HYOU1: variants seen among roughly 807,000 people sequenced by gnomAD.
The protein encoded by HYOU1 is hypoxia up-regulated 1.
HYOU1 carries 40 observed loss-of-function variants against 120.5 expected under a neutral mutation model. The observed-to-expected ratio is 0.33, with a 90% confidence interval of 0.26 to 0.43. The LOEUF (loss-of-function observed/expected upper bound fraction) is 0.43. Among genes scored for constraint, HYOU1 ranks in the 20% least tolerant of loss-of-function variants. The probability of loss-of-function intolerance (pLI) is 1.00; values close to 1 mark genes in which losing one functional copy is unlikely to be tolerated. For synonymous variants in HYOU1, 501 were observed against 479.4 expected (o/e 1.05, Z -0.59); for missense variants, 1,085 against 1,278.3 (o/e 0.85, Z 2.31).
chr11:119,048,786 T>G lies in HYOU1; in HGVS notation c.2093A>C (p.Glu698Ala). 6.2e-7 allele frequency: 1 copy of G among 1,614,070 alleles called. No homozygotes were observed. Among genetic ancestry groups the G allele is most frequent in the East Asian group, 2.2e-5 (1 of 44,884 alleles). The change falls in exon 18 of 26, where the codon GAG (glutamate) becomes GCG (alanine). Residue 698 changes from glutamate (E) to alanine (A), a missense_variant. This residue lies in a region of HYOU1 where 516 missense variants were observed against 517.1 expected (regional missense o/e 1.00). Coordinates refer to ENST00000617285, the MANE Select transcript of HYOU1 (RefSeq NM_006389.5). The surrounding 1 kb of genome is among the most constrained non-coding windows in gnomAD (Gnocchi z 4.7). ...CAGAACAACCAGCTCCACCCCGATC[T>G]CCTCTACCATTCGCCGCTTCCTGGC... The part of the protein sequence containing the change: ...KPARKRRMVE[E>A]IGVELVVLDL...
Position 119,056,439 on chromosome 11 carries a change from A to C in HYOU1, c.-7-272T>G, listed in dbSNP as rs913534884. The C allele has an allele frequency of 5.6e-6, 3 of 534,872 alleles. No individual in the cohort carries two copies. In the Admixed American group the frequency reaches 6.9e-5, roughly 12 times the overall value. 33.1% of individuals were successfully genotyped at this position (534,872 alleles called of 1,614,324 possible). On this transcript the variant is annotated intron_variant, in intron 1 of 25. Transcript: ENST00000617285. ...AGAAGCTAACAGGACAAGAGAAAGG[A>C]GACCCGAGCCTTTTGTCCACCACAC...
intron 22 of HYOU1, chr11:119,047,169 C>T (rs1216620247): frequency 1.4e-5 from 3 of 210,496 alleles, no homozygotes; most frequent in South Asian, 8.2e-5. Flanking sequence ...ATTCTCCTGC[C>T]TCAGCCTCCT....
chr11:119,055,979 G>A lies in HYOU1; in HGVS notation c.91+91C>T. 7.2e-7 allele frequency: 1 copy of A among 1,397,332 alleles called. No individual in the cohort carries two copies. The highest frequency in any genetic ancestry group is 1.0e-6 in the Non-Finnish European group (1 of 983,474). 86.6% of individuals were successfully genotyped at this position (1,397,332 alleles called of 1,614,324 possible). The stretch of plus-strand genomic sequence containing the variant: ...AAAAGGCCTGGACCTAACAACTCAA[G>A]AGACTTCTGGCCAACAGCCCCAAGC... On this transcript the variant is annotated intron_variant, in intron 2 of 25. Coordinates refer to ENST00000617285, the MANE Select transcript of HYOU1 (RefSeq NM_006389.5). This position sits in a 1 kb window ranked among gnomAD's most constrained non-coding sequence, Gnocchi z 4.0.
At chr11:119,050,956 G>A (rs1015253809) in intron 14 of HYOU1, 79 bp downstream of exon 14, 4 of 1,539,722 alleles carry the variant, frequency 2.6e-6, no homozygotes, top group African/African-American at 1.4e-5. Flanking sequence ...TTATCCTAAT[G>A]CCATGTGGAA....
rs2133549633 is a variant in HYOU1, at chr11:119,046,402, G to A, written c.2887+15C>T. ...TGCAACATCCACGTGCTCAACCATG[G>A]TTGCTCCAACTCACCAGTCTCTACT... is the stretch of plus-strand genomic sequence containing the variant. On this transcript the variant is annotated intron_variant, in intron 24 of 25. Transcript: ENST00000617285. The A allele has an allele frequency of 6.2e-7, 1 of 1,613,554 alleles. No individual in the cohort carries two copies. The highest frequency in any genetic ancestry group is 1.3e-5 in the African/African-American group (1 of 74,834).
In HYOU1 at chr11:119,052,313, C is replaced by A; in HGVS notation, c.1104G>T (p.Gln368His). The change falls in exon 10 of 26, where the codon CAG becomes CAT. Residue 368 changes from glutamine to histidine, a missense_variant. Transcript: ENST00000617285. The surrounding 1 kb of genome is among the most constrained non-coding windows in gnomAD (Gnocchi z 5.0). Reference sequence around the variant, plus strand: ...CGCTCACCAGACTCATTTCGGCACTCTGGAGGGCCTGCTGTACAGGCCCAG... The same window carrying A: ...CGCTCACCAGACTCATTTCGGCACTATGGAGGGCCTGCTGTACAGGCCCAG... ...RVPGPVQQAL[Q>H]SAEMSLDEIE... 6.2e-7 allele frequency: 1 copy of A among 1,614,242 alleles called. No homozygotes were observed.
At position 119,051,266 on chromosome 11, in the gene HYOU1, C is replaced by CA; in HGVS notation, c.1527-94dup. The CA allele has an allele frequency of 1.9e-6, 3 of 1,556,642 alleles. No homozygotes were observed. Among genetic ancestry groups the CA allele is most frequent in the Non-Finnish European group, 1.8e-6 (2 of 1,138,940 alleles). On this transcript the variant is annotated intron_variant, in intron 13 of 25. Coordinates refer to ENST00000617285, the MANE Select transcript of HYOU1 (RefSeq NM_006389.5). The surrounding 1 kb of genome is among the most constrained non-coding windows in gnomAD (Gnocchi z 4.2). ...GCCTCCTGGCACAAGGTGTCAGGGG[C>CA]ACTCCCCAAGGGCACACTCAAGAGG...
At position 119,046,626 on chromosome 11, in the gene HYOU1, G is replaced by T; in HGVS notation, c.2772C>A (p.Thr924=). ...PRPRPKDKNG[T]RAEPPLNASA... ...TGGCATTGAGGGGTGGCTCTGCCCG[G>T]GTCCCATTCTTGTCCTTAGGCCGGG... The change falls in exon 23 of 26, where the codon ACC becomes ACA. Residue 924 remains threonine, a synonymous_variant. Coordinates refer to ENST00000617285, the MANE Select transcript of HYOU1 (RefSeq NM_006389.5). The T allele has an allele frequency of 6.2e-7, 1 of 1,614,178 alleles. No homozygotes were observed. The highest frequency in any genetic ancestry group is 8.5e-7 in the Non-Finnish European group (1 of 1,180,030).
In HYOU1 at chr11:119,045,504, G is replaced by T; in HGVS notation, c.*89C>A. On this transcript the variant is annotated 3_prime_UTR_variant, in exon 26 of 26. Coordinates refer to ENST00000617285, the MANE Select transcript of HYOU1 (RefSeq NM_006389.5). Reference sequence around the variant, plus strand: ...AGAAAGGAACTCCAGCCGAGGGCAGGACCAACCCCTCCCCCAACCCTCGAT... The same window carrying T: ...AGAAAGGAACTCCAGCCGAGGGCAGTACCAACCCCTCCCCCAACCCTCGAT... 8.4e-7 allele frequency: 1 copy of T among 1,195,010 alleles called. No homozygotes were observed. Among genetic ancestry groups the T allele is most frequent in the South Asian group, 1.2e-5 (1 of 82,706 alleles). The allele number at this position is 1,195,010 out of a possible 1,614,324, so 74.0% of individuals were successfully genotyped here. A position where few individuals can be genotyped will look rare whatever the true frequency, so the allele number is the denominator to read the frequency against.
chr11:119,046,281 T>G (rs1300313698), intron 24 of HYOU1, 136 bp downstream of exon 24: 1 of 741,342 alleles, frequency 1.3e-6, no homozygotes, highest in East Asian at 2.7e-5. Context: ...TTTTTTTTTT[T>G]TTTTTAAACA....
At position 119,049,913 on chromosome 11, in the gene HYOU1, T is replaced by C. The variant is rs1944321367; in HGVS notation, c.1666-76A>G. 23 of 1,324,552 alleles carry C rather than the reference T, an allele frequency of 1.7e-5. 1 individual carries two copies. The South Asian group carries it at 2.7e-4, about 16-fold the overall frequency. 82.0% of individuals were successfully genotyped at this position (1,324,552 alleles called of 1,614,324 possible). A position where few individuals can be genotyped will look rare whatever the true frequency, so the allele number is the denominator to read the frequency against. Reference sequence around the variant, plus strand: ...CCACAAACATCTGCCAAAGTGGGTGTTTGCTTATGCACACTCCATGCCGTC... The same window carrying C: ...CCACAAACATCTGCCAAAGTGGGTGCTTGCTTATGCACACTCCATGCCGTC... On this transcript the variant is annotated intron_variant, in intron 14 of 25. Coordinates refer to ENST00000617285, the MANE Select transcript of HYOU1 (RefSeq NM_006389.5).
In HYOU1 at chr11:119,049,801, C is replaced by T. The variant is rs139686438; in HGVS notation, c.1702G>A (p.Ala568Thr). The T allele has an allele frequency of 2.7e-5, 43 of 1,614,006 alleles. No homozygotes were observed. The South Asian group carries it at 2.7e-4, about 10-fold the overall frequency. Residue 568 changes from alanine (A) to threonine (T), a missense_variant, in exon 15 of 26, where the codon GCA (alanine) becomes ACA (threonine). Coordinates refer to ENST00000617285, the MANE Select transcript of HYOU1 (RefSeq NM_006389.5). Reference protein sequence around the residue: ...SVFETLVEDSAEEESTLTKLG... With the variant: ...SVFETLVEDSTEEESTLTKLG... ...CTGGTGAGAGTAGATTCCTCTTCTG[C>T]GCTGTCCTCTACCAGTGTCTCAAAT...
At chr11:119,053,768 TAA>T in intron 8 of HYOU1, 1 of 184,760 alleles carries the variant, frequency 5.4e-6, no homozygotes, top group Non-Finnish European at 1.1e-5. Context: ...TCACAGGCCA[TAA>T]AAAAAAATTT....
intron 24 of HYOU1, 65 bp from the exon 25 acceptor site, chr11:119,045,896 C>T (rs1944037565): frequency 6.6e-6 from 10 of 1,515,634 alleles, no homozygotes; most frequent in Non-Finnish European, 9.1e-6. Flanking sequence ...AAGGCTGGGC[C>T]AGTTTTTCCA....
intron 1 of HYOU1, chr11:119,056,508 A>T: frequency 2.5e-6 from 1 of 395,338 alleles, no homozygotes; most frequent in Non-Finnish European, 4.9e-6. Flanking sequence ...GTTGTCAGAC[A>T]CCTGGGGTGC....
At position 119,048,592 on chromosome 11, in the gene HYOU1, G is replaced by A. The variant is rs2133565685; in HGVS notation, c.2166-29C>T. 4.2e-5 allele frequency: 67 copies of A among 1,612,146 alleles called. No homozygotes were observed. Among genetic ancestry groups the A allele is most frequent in the Non-Finnish European group, 5.4e-5 (64 of 1,178,734 alleles). On this transcript the variant is annotated intron_variant, in intron 18 of 25. Coordinates refer to ENST00000617285, the MANE Select transcript of HYOU1 (RefSeq NM_006389.5). The surrounding 1 kb of genome is among the most constrained non-coding windows in gnomAD (Gnocchi z 4.7). ...TGGGACAAAGGAGGGGTAGGGATGA[G>A]GGAGAGGGCAAGTGAGAACTTGAGA... is the stretch of plus-strand genomic sequence containing the variant.
chr11:119,045,680 G>A (rs1944019166), intron 25 of HYOU1, 26 bp from the exon 26 acceptor site: 1 of 1,613,892 alleles, frequency 6.2e-7, no homozygotes, highest in African/African-American at 1.3e-5. Context: ...GGGAGCAAAG[G>A]AATCACCGCA....
intron 8 of HYOU1, 115 bp downstream of exon 8, chr11:119,054,006 A>G: frequency 3.0e-6 from 2 of 662,270 alleles, no homozygotes; most frequent in South Asian, 1.8e-5. Flanking sequence ...TGATGCCTCA[A>G]TCAGGAGACC....
chr11:119,047,978 T>C lies in HYOU1; in HGVS notation c.2479A>G (p.Asn827Asp). ...KWPERLSALDNLLNHSSMFLK... is the reference protein window; with the variant it reads ...KWPERLSALDDLLNHSSMFLK... The stretch of plus-strand genomic sequence containing the variant: ...AACATGCTGGAATGGTTGAGGAGAT[T>C]ATCGAGGGCAGACAGCCGTTCGGGC... The change falls in exon 21 of 26, where the codon AAT becomes GAT. Residue 827 changes from asparagine (N) to aspartate (D), a missense_variant. By Grantham distance (23) the Asn-to-Asp change is conservative (BLOSUM62 1). This residue lies in a region of HYOU1 where 516 missense variants were observed against 517.1 expected (regional missense o/e 1.00). Transcript: ENST00000617285. 6.2e-7 allele frequency: 1 copy of C among 1,614,040 alleles called. No homozygotes were observed. Among genetic ancestry groups the C allele is most frequent in the Non-Finnish European group, 8.5e-7 (1 of 1,179,998 alleles).
Sources: allele counts gnomAD v4.1 joint callset, GRCh38; gene constraint gnomAD v4.1.1; regional missense constraint gnomAD v4.1.1; non-coding constraint Gnocchi (gnomAD v3.1); transcripts MANE v1.5; gene names NCBI Gene and HGNC (gene_info 2026-07-23, HGNC 2026-07-21).